HDAC4: variants seen among roughly 807,000 people sequenced by gnomAD.
HDAC4 encodes the protein histone deacetylase 4.
Under a neutral mutation model 135.1 loss-of-function variants are expected in HDAC4, and 16 were observed. The observed-to-expected ratio is 0.12, with a 90% CI of 0.08 to 0.18. The LOEUF (loss-of-function observed/expected upper bound fraction) is 0.18. Among genes scored for constraint, HDAC4 ranks in the 10% least tolerant of loss-of-function variants. HDAC4 has a pLI of 1.00. For synonymous variants in HDAC4, 685 were observed against 653.4 expected (o/e 1.05, Z -0.74); for missense variants, 1,143 against 1,511.8 (o/e 0.76, Z 4.05).
chr2:239,063,690 C>T (rs2033105111), intron 24 of HDAC4, among the ~76,000 whole-genome samples: 1 of 152,210 alleles, frequency 6.6e-6, no homozygotes, highest in East Asian at 1.9e-4. Context: ...CCCAGCCTCC[C>T]CCACACCTGC....
At chr2:239,170,177 A>T (rs547459830) in intron 5 of HDAC4, among the ~76,000 whole-genome samples, 2 of 152,258 alleles carry the variant, frequency 1.3e-5, no homozygotes, top group South Asian at 4.1e-4. Context: ...CAGAGAGTGC[A>T]TTAGCTATGT....
rs529240833 is a variant in HDAC4, at chr2:239,246,167, C to T, written c.23-9503G>A. Among the ~76,000 whole-genome samples, 5 of 152,260 alleles carry T rather than the reference C, an allele frequency of 3.3e-5. No individual in the cohort carries two copies. The South Asian group carries it at 6.2e-4, about 19-fold the overall frequency. On this transcript the variant is annotated intron_variant, in intron 2 of 26. Coordinates refer to ENST00000543185, the MANE Select transcript of HDAC4 (RefSeq NM_001378414.1). ...AGGGACAAAACGTGCAAACTGAGCC[C>T]GCTGGACACGCAGACTCAGCAGGCA...
rs1269450997 is a variant in HDAC4 at position 239,268,159 on chromosome 2, C to A, written c.23-31495G>T. On this transcript the variant is annotated intron_variant, in intron 2 of 26. Coordinates refer to ENST00000543185, the MANE Select transcript of HDAC4 (RefSeq NM_001378414.1). ...TCCCATTCTCGCTGCTGAGCTTTCT[C>A]CTTAGGAAGTTGGAATGGGTGCTGG... Among the ~76,000 whole-genome samples, 3 of 152,242 alleles carry A rather than the reference C, an allele frequency of 2.0e-5. No homozygotes were observed. The East Asian group carries it at 5.8e-4, about 29-fold the overall frequency.
chr2:239,297,498 G>A (rs572192943), intron 2 of HDAC4, among the ~76,000 whole-genome samples: 60 of 152,372 alleles, frequency 3.9e-4, no homozygotes, highest in Admixed American at 1.2e-3. Context: ...CAGACTCTGC[G>A]GCTCCCTGGC....
chr2:239,283,660 T>G (rs1328918008), intron 2 of HDAC4, among the ~76,000 whole-genome samples: 3 of 152,104 alleles, frequency 2.0e-5, no homozygotes, highest in Non-Finnish European at 2.9e-5. Flanking sequence ...AGTCGTAAGT[T>G]TAGCTAATTT....
chr2:239,334,682 T>C (rs571960432), intron 2 of HDAC4, among the ~76,000 whole-genome samples: 10 of 152,234 alleles, frequency 6.6e-5, no homozygotes, highest in South Asian at 2.1e-4. Flanking sequence ...TGGATCCCAA[T>C]TGAGACCACA....
intron 1 of HDAC4, among the ~76,000 whole-genome samples, chr2:239,396,368 C>T (rs1696562262): frequency 1.3e-5 from 2 of 152,110 alleles, no homozygotes. Context: ...TTACTACATG[C>T]CAGGCCCTAT....
At chr2:239,187,984 A>G (rs1442127440) in intron 4 of HDAC4, among the ~76,000 whole-genome samples, 4 of 152,242 alleles carry the variant, frequency 2.6e-5, no homozygotes, top group African/African-American at 4.8e-5. Flanking sequence ...CATCTGGGAA[A>G]AAGCAGCAGC....
At chr2:239,142,062 G>C (rs995211174) in intron 8 of HDAC4, among the ~76,000 whole-genome samples, 1 of 152,064 alleles carries the variant, frequency 6.6e-6, no homozygotes, top group Non-Finnish European at 1.5e-5. Context: ...GCGGGAAGGC[G>C]TGCAGAGTGA....
At chr2:239,276,538 T>C (rs1309452549) in intron 2 of HDAC4, among the ~76,000 whole-genome samples, 2 of 152,232 alleles carry the variant, frequency 1.3e-5, no homozygotes, top group African/African-American at 4.8e-5. Flanking sequence ...TCACCAGTCA[T>C]GGGGACCTAA....
chr2:239,384,338 G>T (rs1695634308), intron 1 of HDAC4, among the ~76,000 whole-genome samples: 1 of 151,898 alleles, frequency 6.6e-6, no homozygotes, highest in Admixed American at 6.6e-5. Flanking sequence ...CTGAGGCTAG[G>T]CATGGTGGCT....
In HDAC4 at chr2:239,313,816, G is replaced by T. The variant is rs2052999008; in HGVS notation, c.22+38862C>A. 1.3e-5 allele frequency among the ~76,000 whole-genome samples: 2 copies of T among 152,150 alleles called. No individual in the cohort carries two copies. Among genetic ancestry groups the T allele is most frequent in the Non-Finnish European group, 2.9e-5 (2 of 68,030 alleles). On this transcript the variant is annotated intron_variant, in intron 2 of 26. Coordinates refer to ENST00000543185, the MANE Select transcript of HDAC4 (RefSeq NM_001378414.1). The surrounding 1 kb of genome is among the most constrained non-coding windows in gnomAD (Gnocchi z 5.1). Reference sequence around the variant, plus strand: ...AGTGAGGAATATACTCCAAAGACAGGAATTCAAGGCAGGGCAAATAGAACA... The same window carrying T: ...AGTGAGGAATATACTCCAAAGACAGTAATTCAAGGCAGGGCAAATAGAACA...
intron 3 of HDAC4, among the ~76,000 whole-genome samples, chr2:239,228,254 G>A (rs1009733323): frequency 3.9e-5 from 6 of 152,326 alleles, no homozygotes; most frequent in African/African-American, 1.4e-4. Flanking sequence ...GCCTGCTGGA[G>A]GCCATGTGGC....
chr2:239,268,402 T>A (rs1483935121), intron 2 of HDAC4, among the ~76,000 whole-genome samples: 3 of 152,252 alleles, frequency 2.0e-5, no homozygotes, highest in African/African-American at 7.2e-5. Flanking sequence ...CAGGATAAAG[T>A]GTGATTTTGA....
chr2:239,375,252 C>T (rs1009709499), intron 1 of HDAC4, among the ~76,000 whole-genome samples: 1 of 152,140 alleles, frequency 6.6e-6, no homozygotes, highest in Non-Finnish European at 1.5e-5. Flanking sequence ...CAGAGGGTGC[C>T]CCGGGAGGTG....
chr2:239,379,405 G>A lies in HDAC4; in HGVS notation c.-220+21573C>T, dbSNP rs571816204. ...ACTGACAGACACCAAGACTCACCCC[G>A]TCTACCCGTTGTGGAGCCACTGCCC... On this transcript the variant is annotated intron_variant, in intron 1 of 26. Coordinates refer to ENST00000543185, the MANE Select transcript of HDAC4 (RefSeq NM_001378414.1). 6.6e-5 allele frequency among the ~76,000 whole-genome samples: 10 copies of A among 152,280 alleles called. No homozygotes were observed. In the East Asian group the frequency reaches 1.7e-3, roughly 26 times the overall value.
intron 4 of HDAC4, among the ~76,000 whole-genome samples, chr2:239,180,130 G>A (rs2044051559): frequency 1.3e-5 from 2 of 152,170 alleles, no homozygotes; most frequent in African/African-American, 4.8e-5. Context: ...CGACTGGCAA[G>A]CTTCACACCC....
In HDAC4 at chr2:239,324,391, C is replaced by T. The variant is rs150484801; in HGVS notation, c.22+28287G>A. Among the ~76,000 whole-genome samples, 482 of 152,318 alleles carry T rather than the reference C, an allele frequency of 3.2e-3. 2 individuals carry two copies. The highest frequency in any genetic ancestry group is 4.9e-3 in the Non-Finnish European group (330 of 68,026). ...GGCTGGTGAGAGTGAAAATTAAAAG[C>T]CAAGAGAACAATAGCAATTTTTAAA... On this transcript the variant is annotated intron_variant, in intron 2 of 26. Transcript: ENST00000543185.
At chr2:239,229,442 A>G (rs958420324) in intron 3 of HDAC4, among the ~76,000 whole-genome samples, 1 of 152,194 alleles carries the variant, frequency 6.6e-6, no homozygotes, top group African/African-American at 2.4e-5. Flanking sequence ...AAACCATGGG[A>G]ATTCTTTTCA....
Sources: gnomAD v4.1 joint callset for allele counts (sites outside exome capture counted in the v4.1 genomes callset) on GRCh38, gnomAD v4.1.1 for gene constraint, Gnocchi (gnomAD v3.1) non-coding constraint, MANE v1.5 for transcripts, NCBI Gene and HGNC (gene_info 2026-07-23, HGNC 2026-07-21) for gene names.